HPSE2: variants seen among roughly 807,000 people sequenced by gnomAD.
The protein encoded by HPSE2 is heparanase 2 (inactive).
Under a neutral mutation model 60.5 loss-of-function variants are expected in HPSE2, and 38 were observed. The ratio of observed to expected loss-of-function variants is 0.63; its 90% confidence interval spans 0.48 to 0.82. The LOEUF is 0.82. HPSE2 is among the 40% of genes least tolerant of loss of function. HPSE2 has a pLI of 0.00. For missense variants in HPSE2, 713 were observed against 740.4 expected (o/e 0.96, Z 0.43); for synonymous variants, 295 against 293.2 (o/e 1.01, Z -0.06).
intron 3 of HPSE2, among the ~76,000 whole-genome samples, chr10:98,976,226 T>C (rs1310829585): frequency 2.6e-5 from 4 of 152,132 alleles, no homozygotes; most frequent in Non-Finnish European, 4.4e-5. Context: ...TACATATATA[T>C]ATTTACTATA....
At chr10:98,822,386 AT>A (rs1460342287) in intron 3 of HPSE2, among the ~76,000 whole-genome samples, 1 of 152,218 alleles carries the variant, frequency 6.6e-6, no homozygotes, top group Non-Finnish European at 1.5e-5. Context: ...TAACTTAATA[AT>A]ATCATGCTAT....
rs1408379531 is a variant in HPSE2, at chr10:98,940,850, A to C, written c.611-196794T>G. Among the ~76,000 whole-genome samples the C allele has an allele frequency of 5.2e-3, 727 of 138,942 alleles. 15 individuals are homozygous for C. The highest frequency in any genetic ancestry group is 6.5e-3 in the Non-Finnish European group (430 of 66,062). The allele number at this position is 138,942 out of a possible 152,430, so 91.2% of individuals were successfully genotyped here. On this transcript the variant is annotated intron_variant, in intron 3 of 11. Transcript: ENST00000370552. ...AAATCCTCAATAAAATACTGGCAAA[A>C]CAAATCCAGCAGCACATCAAAAAGC...
chr10:98,670,530 G>C (rs1268172080), intron 6 of HPSE2, among the ~76,000 whole-genome samples: 1 of 152,160 alleles, frequency 6.6e-6, no homozygotes, highest in South Asian at 2.1e-4. Context: ...TGAGGGAAGA[G>C]AGAGACCCTC....
At position 99,175,550 on chromosome 10, in the gene HPSE2, G is replaced by A. The variant is rs188755435; in HGVS notation, c.449-31151C>T. 9.1e-4 allele frequency among the ~76,000 whole-genome samples: 138 copies of A among 152,354 alleles called. 2 individuals carry two copies. The East Asian group carries it at 0.023, about 26-fold the overall frequency. On this transcript the variant is annotated intron_variant, in intron 2 of 11. Transcript: ENST00000370552. Reference sequence around the variant, plus strand: ...CCCACCACAGCTCAGCAAGGCTGCTGTAGCCATATTGCCTCTCTAGATTCC... The same window carrying A: ...CCCACCACAGCTCAGCAAGGCTGCTATAGCCATATTGCCTCTCTAGATTCC...
At chr10:99,161,082 G>C (rs755123249) in intron 2 of HPSE2, among the ~76,000 whole-genome samples, 11 of 151,718 alleles carry the variant, frequency 7.3e-5, no homozygotes, top group Non-Finnish European at 1.6e-4. Context: ...TTAGCCAGAC[G>C]TGGTGGCATG....
chr10:98,546,147 TAA>T (rs529782332), intron 9 of HPSE2, among the ~76,000 whole-genome samples: 1 of 135,824 alleles, frequency 7.4e-6, no homozygotes, highest in African/African-American at 2.5e-5. Flanking sequence ...CTCAATGAAA[TAA>T]AAGAGGATAC....
At chr10:99,117,417 G>GAAAAAAAAAAAAA (rs1157232317) in intron 3 of HPSE2, among the ~76,000 whole-genome samples, 1 of 24,802 alleles carries the variant, frequency 4.0e-5, no homozygotes, top group Admixed American at 8.2e-4. Flanking sequence ...TTGTTTTTTT[G>GAAAAAAAAAAAAA]AAAAAAAAAA....
At chr10:98,566,474 CAAG>C (rs1944348742) in intron 9 of HPSE2, among the ~76,000 whole-genome samples, 1 of 152,230 alleles carries the variant, frequency 6.6e-6, no homozygotes, top group Admixed American at 6.5e-5. Context: ...TAGTGGCCTT[CAAG>C]CTACACCTTT....
At chr10:98,919,051 A>G (rs1179044928) in intron 3 of HPSE2, among the ~76,000 whole-genome samples, 4 of 152,124 alleles carry the variant, frequency 2.6e-5, no homozygotes, top group Admixed American at 6.6e-5. Context: ...TAAAATATAA[A>G]ACATAGAGCC....
chr10:98,483,035 T>C (rs1466325649), intron 10 of HPSE2, among the ~76,000 whole-genome samples: 1 of 152,202 alleles, frequency 6.6e-6, no homozygotes, highest in Non-Finnish European at 1.5e-5. Flanking sequence ...ATAATGTATA[T>C]ATTTTATGGC....
At chr10:98,975,377 T>C (rs1956060341) in intron 3 of HPSE2, among the ~76,000 whole-genome samples, 1 of 152,174 alleles carries the variant, frequency 6.6e-6, no homozygotes, top group South Asian at 2.1e-4. Context: ...CAAACTCTAG[T>C]TGTATGTTAG....
intron 9 of HPSE2, 61 bp downstream of exon 9, chr10:98,614,843 G>T (rs913458615): frequency 1.4e-5 from 15 of 1,089,968 alleles, no homozygotes; most frequent in African/African-American, 1.1e-4. Flanking sequence ...ATGGAACAAG[G>T]CATGATCAAA....
chr10:98,837,352 A>G (rs1351261516), intron 3 of HPSE2, among the ~76,000 whole-genome samples: 1 of 152,232 alleles, frequency 6.6e-6, no homozygotes, highest in African/African-American at 2.4e-5. Flanking sequence ...CAGCATTTAT[A>G]GTGTACTTTA....
chr10:99,052,560 T>A (rs1958014708), intron 3 of HPSE2, among the ~76,000 whole-genome samples: 2 of 151,986 alleles, frequency 1.3e-5, no homozygotes, highest in Middle Eastern at 3.4e-3. Context: ...GACTTTTAGA[T>A]CCAAGAAGCT....
At chr10:98,820,551 G>T (rs532038622) in intron 3 of HPSE2, among the ~76,000 whole-genome samples, 2 of 152,104 alleles carry the variant, frequency 1.3e-5, no homozygotes, top group Non-Finnish European at 2.9e-5. Context: ...CAGATCCCCT[G>T]GGCTAAAAAG....
chr10:98,480,216 G>T (rs1941182405), intron 11 of HPSE2, among the ~76,000 whole-genome samples: 1 of 151,862 alleles, frequency 6.6e-6, no homozygotes, highest in Admixed American at 6.6e-5. Context: ...CAAGTAGCTG[G>T]AATTACAGGT....
At chr10:99,134,305 T>C (rs1216258068) in intron 3 of HPSE2, among the ~76,000 whole-genome samples, 1 of 152,140 alleles carries the variant, frequency 6.6e-6, no homozygotes, top group Admixed American at 6.6e-5. Context: ...CTTCGGGATA[T>C]TATCCAGGAG....
intron 3 of HPSE2, among the ~76,000 whole-genome samples, chr10:99,029,347 G>A (rs186816964): frequency 1.1e-4 from 17 of 152,296 alleles, no homozygotes; most frequent in Non-Finnish European, 1.9e-4. Flanking sequence ...CCCCATGTGC[G>A]GTGACGAGAG....
Position 99,115,298 on chromosome 10 carries a change from C to T in HPSE2, c.610+28940G>A, listed in dbSNP as rs570734839. The stretch of plus-strand genomic sequence containing the variant: ...CCTCCCAAGTAGCTGGGACTGCAGG[C>T]GCCCGCCAACACACCCAGCTAATTT... On this transcript the variant is annotated intron_variant, in intron 3 of 11. Transcript: ENST00000370552. Among the ~76,000 whole-genome samples the T allele has an allele frequency of 1.7e-4, 26 of 152,120 alleles. No homozygotes were observed. The East Asian group carries it at 4.3e-3, about 25-fold the overall frequency.
Sources: allele counts gnomAD v4.1 joint callset (sites outside exome capture counted in the v4.1 genomes callset), GRCh38; gene constraint gnomAD v4.1.1; transcripts MANE v1.5; gene names NCBI Gene and HGNC (gene_info 2026-07-23, HGNC 2026-07-21).